Variants in KCNG2 observed in about 807,000 individuals in gnomAD.
The protein encoded by KCNG2 is voltage-gated potassium channel regulatory subunit KCNG2.
KCNG2 carries 7 observed loss-of-function variants against 12.3 expected under a neutral mutation model. The observed-to-expected ratio is 0.57, with a 90% CI of 0.32 to 1.07. The LOEUF (loss-of-function observed/expected upper bound fraction) is 1.07, where lower values mean the gene tolerates loss of function less well. KCNG2 is among the 50% of genes least tolerant of loss of function. The pLI is 0.04. For missense variants in KCNG2, 703 were observed against 726.0 expected (o/e 0.97, Z 0.36); for synonymous variants, 414 against 351.4 (o/e 1.18, Z -1.99).
intron 2 of KCNG2, among the ~76,000 whole-genome samples, chr18:79,858,692 A>G (rs1045906895): frequency 6.6e-6 from 1 of 152,066 alleles, no homozygotes; most frequent in African/African-American, 2.4e-5. Context: ...CCAGCAATGT[A>G]CAGGGGTCCA....
chr18:79,850,311 T>C (rs940644424), intron 1 of KCNG2, among the ~76,000 whole-genome samples: 1 of 152,398 alleles, frequency 6.6e-6, no homozygotes, highest in Non-Finnish European at 1.5e-5. Context: ...GGGATTATTC[T>C]GTTCCTTGAA....
chr18:79,832,410 C>T (rs1978301606), intron 1 of KCNG2, among the ~76,000 whole-genome samples: 2 of 151,334 alleles, frequency 1.3e-5, no homozygotes, highest in Non-Finnish European at 3.0e-5. Flanking sequence ...CTCATCTGTC[C>T]ATCCTCACCT....
At chr18:79,853,760 C>A (rs1391089395) in intron 1 of KCNG2, among the ~76,000 whole-genome samples, 1 of 152,238 alleles carries the variant, frequency 6.6e-6, no homozygotes, top group East Asian at 1.9e-4. Context: ...AGAGGCCAGG[C>A]CCAAAGCCTC....
rs557559469 is a variant in KCNG2, at chr18:79,892,752, G to A, written c.625-6288G>A. Among the ~76,000 whole-genome samples, 6 of 150,622 alleles carry A rather than the reference G, an allele frequency of 4.0e-5. No homozygotes were observed. In the South Asian group the frequency reaches 1.1e-3, roughly 26 times the overall value. On this transcript the variant is annotated intron_variant, in intron 3 of 3. Transcript: ENST00000316249. ...TGGGTCTGTGTCTGCTTTTGATTGG[G>A]TTGTTCACTCCATTCAAAATGATTG...
At chr18:79,875,374 C>G (rs1274778228) in intron 3 of KCNG2, among the ~76,000 whole-genome samples, 1 of 152,024 alleles carries the variant, frequency 6.6e-6, no homozygotes, top group African/African-American at 2.4e-5. Context: ...CTAGCACCAC[C>G]GAGCACACAT....
chr18:79,887,093 G>C (rs566002224), intron 3 of KCNG2, among the ~76,000 whole-genome samples: 1 of 149,472 alleles, frequency 6.7e-6, no homozygotes, highest in Non-Finnish European at 1.5e-5. Context: ...AGGGACATAG[G>C]GCCATAGGGA....
chr18:79,882,837 A>G (rs7229354), intron 3 of KCNG2, among the ~76,000 whole-genome samples: 12,105 of 133,564 alleles, frequency 0.091, 1,338 homozygotes, highest in Middle Eastern at 0.12. Flanking sequence ...GGCCGGGTAC[A>G]CCTGCGCGTG....
intron 1 of KCNG2, among the ~76,000 whole-genome samples, chr18:79,852,346 C>A (rs1978853602): frequency 6.6e-6 from 1 of 152,232 alleles, no homozygotes; most frequent in South Asian, 2.1e-4. Flanking sequence ...ACAGTTCAAC[C>A]CCATGAGGAA....
intron 1 of KCNG2, among the ~76,000 whole-genome samples, chr18:79,849,718 C>T (rs1978750602): frequency 1.3e-5 from 2 of 152,382 alleles, no homozygotes; most frequent in South Asian, 2.1e-4. Flanking sequence ...CACCGGAAGC[C>T]TTGTTCTTGC....
intron 1 of KCNG2, among the ~76,000 whole-genome samples, chr18:79,817,784 T>G (rs866426671): frequency 2.0e-5 from 3 of 152,252 alleles, no homozygotes; most frequent in African/African-American, 7.2e-5. Flanking sequence ...GCCTCACAGC[T>G]TTGGTGGGCC....
intron 3 of KCNG2, among the ~76,000 whole-genome samples, chr18:79,873,801 C>T (rs985275658): frequency 1.5e-4 from 23 of 152,216 alleles, no homozygotes; most frequent in Non-Finnish European, 1.9e-4. Flanking sequence ...GGCCAGGAGG[C>T]GCCTGGGACT....
intron 3 of KCNG2, among the ~76,000 whole-genome samples, chr18:79,878,114 C>T (rs190753374): frequency 3.7e-4 from 56 of 152,382 alleles, no homozygotes; most frequent in Non-Finnish European, 6.6e-4. Flanking sequence ...AAAGCTGAAC[C>T]CTCACTAGTC....
chr18:79,862,407 G>T lies in KCNG2; in HGVS notation c.-40-1221G>T, dbSNP rs193077379. ...GGACATATAGATTCTTAAACGTCTG[G>T]AATGAAAACTGAAACTTGTTTTTGC... is the stretch of plus-strand genomic sequence containing the variant. On this transcript the variant is annotated intron_variant, in intron 2 of 3. Coordinates refer to ENST00000316249, the MANE Select transcript of KCNG2 (RefSeq NM_012283.2). 3.3e-5 allele frequency among the ~76,000 whole-genome samples: 5 copies of T among 152,202 alleles called. No homozygotes were observed. In the East Asian group the frequency reaches 9.6e-4, roughly 29 times the overall value.
intron 3 of KCNG2, among the ~76,000 whole-genome samples, chr18:79,867,771 G>A (rs1421990217): frequency 6.6e-6 from 1 of 151,850 alleles, no homozygotes; most frequent in Non-Finnish European, 1.5e-5. Context: ...CCACCAGGTG[G>A]GGGTCGGGCA....
intron 3 of KCNG2, among the ~76,000 whole-genome samples, chr18:79,898,818 G>A (rs1031882579): frequency 1.3e-5 from 2 of 152,256 alleles, no homozygotes; most frequent in Non-Finnish European, 2.9e-5. Context: ...TCAGCTAAGC[G>A]CATCCGCTCT....
Position 79,885,787 on chromosome 18 carries a change from A to C in KCNG2, c.625-13253A>C, listed in dbSNP as rs539455080. 3.9e-5 allele frequency among the ~76,000 whole-genome samples: 6 copies of C among 151,956 alleles called. No homozygotes were observed. The South Asian group carries it at 1.3e-3, about 32-fold the overall frequency. On this transcript the variant is annotated intron_variant, in intron 3 of 3. Coordinates refer to ENST00000316249, the MANE Select transcript of KCNG2 (RefSeq NM_012283.2). ...AGGGACAGGAACATGGGGACACAGG[A>C]CAGGGAGATGGGGATGGGAACATAG...
intron 1 of KCNG2, among the ~76,000 whole-genome samples, chr18:79,820,563 T>C (rs1298829109): frequency 6.6e-6 from 1 of 152,224 alleles, no homozygotes; most frequent in Admixed American, 6.5e-5. Flanking sequence ...TTTCATCTGC[T>C]TGCCGGGCAT....
At position 79,863,673 on chromosome 18, in the gene KCNG2, G is replaced by A; in HGVS notation, c.6G>A (p.Glu2=). M[E]PWPCSPGGGG... Reference sequence around the variant, plus strand: ...GGTCCGGTCCGGCCCTGCGCATGGAGCCATGGCCCTGCTCCCCGGGCGGCG... The same window carrying A: ...GGTCCGGTCCGGCCCTGCGCATGGAACCATGGCCCTGCTCCCCGGGCGGCG... Residue 2 remains glutamate (E), a synonymous_variant, in exon 3 of 4, where the codon GAG becomes GAA. Coordinates refer to ENST00000316249, the MANE Select transcript of KCNG2 (RefSeq NM_012283.2). The A allele has an allele frequency of 8.3e-7, 1 of 1,208,050 alleles. No individual in the cohort carries two copies. Among genetic ancestry groups the A allele is most frequent in the Non-Finnish European group, 1.0e-6 (1 of 972,510 alleles). The allele number at this position is 1,208,050 out of a possible 1,614,324, so 74.8% of individuals were successfully genotyped here.
At chr18:79,872,280 G>GGTTTTTT (rs1330535927) in intron 3 of KCNG2, among the ~76,000 whole-genome samples, 1 of 73,410 alleles carries the variant, frequency 1.4e-5, no homozygotes, top group Non-Finnish European at 2.4e-5. Context: ...CAAAGCTTCA[G>GGTTTTTT]TTTTTTTTTT....
Sources: allele counts gnomAD v4.1 joint callset (sites outside exome capture counted in the v4.1 genomes callset), GRCh38; gene constraint gnomAD v4.1.1; transcripts MANE v1.5; gene names NCBI Gene and HGNC (gene_info 2026-07-23, HGNC 2026-07-21).